Variants in TCF12 observed in about 807,000 individuals in gnomAD.
The protein encoded by TCF12 is DNA-binding protein HTF4.
In TCF12, 45 loss-of-function variants were observed where a neutral mutation model predicts 86.0. The observed-to-expected ratio is 0.52, with a 90% CI of 0.41 to 0.67. The LOEUF (loss-of-function observed/expected upper bound fraction) is 0.67, where lower values mean the gene tolerates loss of function less well. Among genes scored for constraint, TCF12 ranks in the 30% least tolerant of loss-of-function variants. The pLI is 0.00. For missense variants in TCF12, 881 were observed against 859.9 expected (o/e 1.02, Z -0.31); for synonymous variants, 330 against 299.6 (o/e 1.10, Z -1.05).
rs1420417033 is a variant in TCF12, at chr15:57,147,610, A to T, written c.326-18792A>T. On this transcript the variant is annotated intron_variant, in intron 5 of 20. Coordinates refer to ENST00000333725, the MANE Select transcript of TCF12 (RefSeq NM_207037.2). ...TAAAATAAAAAACCTATAAAGGTGCAGTTAAATCCTTGTGCATATTTTATA... is the reference window on the plus strand; with the variant it reads ...TAAAATAAAAAACCTATAAAGGTGCTGTTAAATCCTTGTGCATATTTTATA... 2.0e-5 allele frequency among the ~76,000 whole-genome samples: 3 copies of T among 152,206 alleles called. No homozygotes were observed. The East Asian group carries it at 5.8e-4, about 29-fold the overall frequency.
At chr15:57,277,268 C>T (rs114830947) in intron 19 of TCF12, among the ~76,000 whole-genome samples, 11 of 152,046 alleles carry the variant, frequency 7.2e-5, no homozygotes, top group Non-Finnish European at 1.2e-4. Flanking sequence ...GAGGCTGAAG[C>T]GAGCTGTGAT....
At chr15:56,956,222 A>G (rs1271692845) in intron 3 of TCF12, among the ~76,000 whole-genome samples, 1 of 151,702 alleles carries the variant, frequency 6.6e-6, no homozygotes, top group Non-Finnish European at 1.5e-5. Context: ...AATTATTGAT[A>G]TGACTGTGTT....
intron 6 of TCF12, among the ~76,000 whole-genome samples, chr15:57,171,024 GTGTA>G (rs2055449953): frequency 6.7e-6 from 1 of 150,042 alleles, no homozygotes. Context: ...CAACTCCTCT[GTGTA>G]TGCCAACTCC....
At chr15:56,988,583 G>GTTA (rs1296410362) in intron 3 of TCF12, among the ~76,000 whole-genome samples, 4 of 152,134 alleles carry the variant, frequency 2.6e-5, no homozygotes, top group African/African-American at 7.2e-5. Context: ...AGTTGCTATA[G>GTTA]TTATAAAGAG....
intron 5 of TCF12, among the ~76,000 whole-genome samples, chr15:57,131,127 G>A (rs1226083137): frequency 6.6e-6 from 1 of 152,146 alleles, no homozygotes; most frequent in Non-Finnish European, 1.5e-5. Flanking sequence ...TCAAACGTAG[G>A]TGCTTTCACT....
intron 3 of TCF12, among the ~76,000 whole-genome samples, chr15:57,021,777 A>T (rs2065499897): frequency 6.6e-6 from 1 of 151,896 alleles, no homozygotes; most frequent in Admixed American, 6.6e-5. Flanking sequence ...TGAATCGAAA[A>T]TACAGTGTTA....
intron 3 of TCF12, 22 bp from the exon 4 acceptor site, chr15:57,063,728 T>A (rs1381818402): frequency 1.9e-6 from 3 of 1,585,296 alleles, no homozygotes; most frequent in Non-Finnish European, 1.7e-6. Context: ...TAGATATATC[T>A]TTTATTTTCT....
rs71113066 is a variant in TCF12, at chr15:57,123,968, C to CAAAAAAAAAA, written c.325+32082_325+32091dup. 1.2e-4 allele frequency among the ~76,000 whole-genome samples: 10 copies of CAAAAAAAAAA among 81,090 alleles called. 1 individual carries two copies. Among genetic ancestry groups the CAAAAAAAAAA allele is most frequent in the African/African-American group, 3.7e-4 (9 of 24,254 alleles). 53.2% of individuals were successfully genotyped at this position (81,090 alleles called of 152,430 possible). A position where few individuals can be genotyped will look rare whatever the true frequency, so the allele number is the denominator to read the frequency against. On this transcript the variant is annotated intron_variant, in intron 5 of 20. Coordinates refer to ENST00000333725, the MANE Select transcript of TCF12 (RefSeq NM_207037.2). ...TGGGCGACAGAGTGAGACTCCGTCT[C>CAAAAAAAAAA]AAAAAAAAAAAAAATTTTTTTTTTT...
At chr15:57,115,837 G>C (rs111426051) in intron 5 of TCF12, among the ~76,000 whole-genome samples, 3 of 129,434 alleles carry the variant, frequency 2.3e-5, no homozygotes, top group Admixed American at 7.6e-5. Flanking sequence ...CTAAGCACCA[G>C]GTAAGCAGAG....
At chr15:57,114,516 T>C (rs187068693) in intron 5 of TCF12, among the ~76,000 whole-genome samples, 16 of 152,278 alleles carry the variant, frequency 1.1e-4, no homozygotes, top group African/African-American at 3.9e-4. Flanking sequence ...CATGCTGGTC[T>C]TGAGCTCCTG....
At chr15:57,133,491 T>A (rs1459992576) in intron 5 of TCF12, among the ~76,000 whole-genome samples, 1 of 152,194 alleles carries the variant, frequency 6.6e-6, no homozygotes, top group Non-Finnish European at 1.5e-5. Flanking sequence ...TGCCATTGAT[T>A]GGTGGCCATG....
chr15:57,262,668 T>A (rs1307928502), intron 17 of TCF12, among the ~76,000 whole-genome samples: 2 of 152,150 alleles, frequency 1.3e-5, no homozygotes, highest in Non-Finnish European at 2.9e-5. Context: ...TACAAGTAAG[T>A]GTGAAGATAG....
intron 3 of TCF12, among the ~76,000 whole-genome samples, chr15:56,921,816 A>G (rs1277233048): frequency 6.6e-6 from 1 of 152,034 alleles, no homozygotes; most frequent in African/African-American, 2.4e-5. Flanking sequence ...AGAATAAAAC[A>G]TCAGAAAATA....
rs368025753 is a variant in TCF12, at chr15:57,263,279, T to C, written c.1745+5T>C. The C allele has an allele frequency of 1.9e-6, 3 of 1,600,380 alleles. No individual in the cohort carries two copies. The highest frequency in any genetic ancestry group is 2.5e-6 in the Non-Finnish European group (3 of 1,177,146). ...TTCATCTAGAGGCAGAACAAGGTAT[T>C]TGTTAGCATCCAGGTTTTAAATTTT... On this transcript the variant is annotated splice_donor_5th_base_variant and intron_variant, in intron 18 of 20. Transcript: ENST00000333725.
chr15:57,242,989 A>G (rs1291840610), intron 12 of TCF12, among the ~76,000 whole-genome samples: 1 of 152,236 alleles, frequency 6.6e-6, no homozygotes, highest in African/African-American at 2.4e-5. Flanking sequence ...GGTTGATCAA[A>G]CTGAGTAACT....
At chr15:57,141,510 C>T (rs534035860) in intron 5 of TCF12, among the ~76,000 whole-genome samples, 1 of 152,200 alleles carries the variant, frequency 6.6e-6, no homozygotes, top group South Asian at 2.1e-4. Flanking sequence ...CCACCACGCC[C>T]AACTAATTTT....
chr15:56,998,302 C>T (rs1282033161), intron 3 of TCF12, among the ~76,000 whole-genome samples: 2 of 151,844 alleles, frequency 1.3e-5, no homozygotes, highest in South Asian at 2.1e-4. Flanking sequence ...ACTAAAAATA[C>T]AAAAATTAGT....
At chr15:57,249,030 G>GA (rs1286804340) in intron 13 of TCF12, among the ~76,000 whole-genome samples, 1 of 152,092 alleles carries the variant, frequency 6.6e-6, no homozygotes, top group African/African-American at 2.4e-5. Context: ...AGAAGGAGTA[G>GA]AAAAAATGAT....
At chr15:57,108,096 C>T (rs1292482749) in intron 5 of TCF12, among the ~76,000 whole-genome samples, 1 of 152,116 alleles carries the variant, frequency 6.6e-6, no homozygotes, top group Non-Finnish European at 1.5e-5. Flanking sequence ...TACCTTTGGG[C>T]AGTAGGAAAT....
Sources: gnomAD v4.1 joint callset for allele counts (sites outside exome capture counted in the v4.1 genomes callset) on GRCh38, gnomAD v4.1.1 for gene constraint, MANE v1.5 for transcripts, NCBI Gene and HGNC (gene_info 2026-07-23, HGNC 2026-07-21) for gene names.